Variants in BBS9 observed in about 807,000 individuals in gnomAD.
BBS9 encodes the protein Bardet-Biedl syndrome 9.
BBS9 carries 89 observed loss-of-function variants against 117.7 expected under a neutral mutation model. The ratio of observed to expected loss-of-function variants is 0.76; its 90% CI spans 0.64 to 0.90. The LOEUF is 0.90. Among genes scored for constraint, BBS9 ranks in the 40% least tolerant of loss-of-function variants. BBS9 has a pLI of 0.00. For synonymous variants in BBS9, 379 were observed against 370.9 expected (o/e 1.02, Z -0.25); for missense variants, 982 against 1,042.2 (o/e 0.94, Z 0.80).
intron 5 of BBS9, among the ~76,000 whole-genome samples, chr7:33,211,735 C>T (rs1414740679): frequency 6.6e-6 from 1 of 152,138 alleles, no homozygotes; most frequent in East Asian, 1.9e-4. Context: ...CCTTTTCTTC[C>T]AGATTGAAGA....
intron 12 of BBS9, among the ~76,000 whole-genome samples, chr7:33,348,236 T>A (rs1303260353): frequency 1.3e-5 from 2 of 152,120 alleles, no homozygotes; most frequent in African/African-American, 4.8e-5. Flanking sequence ...TATAAATGGA[T>A]CATACAATAT....
chr7:33,167,497 G>T (rs528838731), intron 4 of BBS9, among the ~76,000 whole-genome samples: 1 of 151,676 alleles, frequency 6.6e-6, no homozygotes, highest in South Asian at 2.1e-4. Flanking sequence ...CTGCCTCCCG[G>T]GTTCAAGCGA....
intron 2 of BBS9, among the ~76,000 whole-genome samples, chr7:33,149,069 T>A (rs976592593): frequency 3.3e-5 from 5 of 152,142 alleles, no homozygotes; most frequent in Admixed American, 2.6e-4. Context: ...TATGGCTCTT[T>A]AAAGAAACTT....
chr7:33,550,117 G>A (rs904877418), intron 21 of BBS9, among the ~76,000 whole-genome samples: 5 of 151,750 alleles, frequency 3.3e-5, no homozygotes, highest in Non-Finnish European at 7.4e-5. Context: ...TTTATAGTAC[G>A]GTTTTCTGAG....
At chr7:33,171,873 T>G (rs767792178) in intron 4 of BBS9, among the ~76,000 whole-genome samples, 5 of 152,136 alleles carry the variant, frequency 3.3e-5, no homozygotes, top group Non-Finnish European at 7.4e-5. Flanking sequence ...GGGTGCCAAG[T>G]AGCCTCATGG....
At chr7:33,434,192 G>A (rs977644795) in intron 19 of BBS9, among the ~76,000 whole-genome samples, 1 of 150,422 alleles carries the variant, frequency 6.6e-6, no homozygotes, top group African/African-American at 2.4e-5. Context: ...TGAAATTATG[G>A]GCCAAGAATA....
intron 16 of BBS9, among the ~76,000 whole-genome samples, chr7:33,359,475 C>T (rs1306885435): frequency 2.6e-5 from 4 of 152,110 alleles, no homozygotes; most frequent in Non-Finnish European, 4.4e-5. Context: ...TTATGCTCAT[C>T]AGCATATATT....
chr7:33,269,316 C>T (rs906088653), intron 7 of BBS9, among the ~76,000 whole-genome samples: 1 of 152,156 alleles, frequency 6.6e-6, no homozygotes, highest in South Asian at 2.1e-4. Flanking sequence ...CCTGTTTATG[C>T]AGATTTTTCT....
rs755689645 is a variant in BBS9 at position 33,446,103 on chromosome 7, TATTTG to T, written c.2115+57966_2115+57970del. On this transcript the variant is annotated intron_variant, in intron 19 of 22. Coordinates refer to ENST00000242067, the MANE Select transcript of BBS9 (RefSeq NM_198428.3). Reference sequence around the variant, plus strand: ...AGAACAAAAACTCCAAGCTTAAATTTATTTGATTTGAGAGTGAGAGATCTAAAATA... The same window carrying T: ...AGAACAAAAACTCCAAGCTTAAATTTATTTGAGAGTGAGAGATCTAAAATA... 2.0e-5 allele frequency among the ~76,000 whole-genome samples: 3 copies of T among 152,182 alleles called. No homozygotes were observed. In the East Asian group the frequency reaches 5.8e-4, roughly 29 times the overall value.
chr7:33,466,065 G>GAT (rs144159866), intron 19 of BBS9, among the ~76,000 whole-genome samples: 2,843 of 150,480 alleles, frequency 0.019, 77 homozygotes, highest in African/African-American at 0.064. Flanking sequence ...TTGAGAGAGA[G>GAT]ATATATATAT....
chr7:33,167,099 G>A lies in BBS9; in HGVS notation c.329-10379G>A, dbSNP rs189276118. On this transcript the variant is annotated intron_variant, in intron 4 of 22. Coordinates refer to ENST00000242067, the MANE Select transcript of BBS9 (RefSeq NM_198428.3). ...GAGCTTTTAATAACAAAAGCTTTAA[G>A]GACTCAGGAAGCACAAGGTGGCTGT... 2.0e-3 allele frequency among the ~76,000 whole-genome samples: 310 copies of A among 152,292 alleles called. 2 individuals are homozygous for A. The highest frequency in any genetic ancestry group is 7.3e-3 in the African/African-American group (302 of 41,552).
intron 19 of BBS9, among the ~76,000 whole-genome samples, chr7:33,420,028 G>T (rs1169158490): frequency 6.6e-6 from 1 of 152,134 alleles, no homozygotes; most frequent in Non-Finnish European, 1.5e-5. Flanking sequence ...TTTCACAGGA[G>T]AATAAAAAGA....
At chr7:33,286,499 C>T (rs1463889630) in intron 9 of BBS9, among the ~76,000 whole-genome samples, 5 of 151,978 alleles carry the variant, frequency 3.3e-5, no homozygotes, top group Non-Finnish European at 7.4e-5. Context: ...ATTTTTTTCT[C>T]CTTACTTCAG....
chr7:33,438,799 G>T (rs762614210), intron 19 of BBS9, among the ~76,000 whole-genome samples: 3 of 152,150 alleles, frequency 2.0e-5, no homozygotes, highest in Admixed American at 6.5e-5. Context: ...ACAATGCTGA[G>T]AAAGAAAGAA....
intron 19 of BBS9, among the ~76,000 whole-genome samples, chr7:33,481,947 CG>C (rs1842564229): frequency 6.6e-6 from 1 of 152,140 alleles, no homozygotes; most frequent in African/African-American, 2.4e-5. Flanking sequence ...TAGTTTGGGA[CG>C]TTTTTCATGG....
At chr7:33,311,126 C>T (rs1023483853) in intron 9 of BBS9, among the ~76,000 whole-genome samples, 1 of 152,102 alleles carries the variant, frequency 6.6e-6, no homozygotes, top group Non-Finnish European at 1.5e-5. Context: ...AGACAAAGAT[C>T]CTTTCTAAGA....
intron 21 of BBS9, among the ~76,000 whole-genome samples, chr7:33,622,067 G>T (rs1865435427): frequency 6.6e-6 from 1 of 152,056 alleles, no homozygotes; most frequent in African/African-American, 2.4e-5. Context: ...AAATTTAGCT[G>T]AGTGTGGTGG....
chr7:33,453,007 G>T (rs1363254919), intron 19 of BBS9, among the ~76,000 whole-genome samples: 1 of 152,198 alleles, frequency 6.6e-6, no homozygotes, highest in Non-Finnish European at 1.5e-5. Context: ...AGGCAGTGGA[G>T]TTGGCAGTAC....
chr7:33,542,620 A>G (rs1852511422), intron 21 of BBS9, among the ~76,000 whole-genome samples: 1 of 152,130 alleles, frequency 6.6e-6, no homozygotes, highest in African/African-American at 2.4e-5. Flanking sequence ...TTAGAATAAT[A>G]GTCTCTAATC....
Sources: gnomAD v4.1 joint callset for allele counts (sites outside exome capture counted in the v4.1 genomes callset) on GRCh38, gnomAD v4.1.1 for gene constraint, MANE v1.5 for transcripts, NCBI Gene and HGNC (gene_info 2026-07-23, HGNC 2026-07-21) for gene names.